SLC14A2: variants seen among roughly 807,000 people sequenced by gnomAD.
SLC14A2 encodes the protein solute carrier family 14 member 2, also known as urea transporter 2.
In SLC14A2, 91 loss-of-function variants were observed where a neutral mutation model predicts 104.6. That is an observed-to-expected ratio of 0.87 (90% confidence interval 0.73 to 1.04). The LOEUF is 1.04. Among genes scored for constraint, SLC14A2 ranks in the 50% least tolerant of loss-of-function variants. SLC14A2 has a pLI of 0.00. For missense variants in SLC14A2, 1,189 were observed against 1,156.0 expected, an observed-to-expected ratio of 1.03 and a Z score of -0.41; for synonymous variants, 476 against 466.4, an observed-to-expected ratio of 1.02 and a Z score of -0.27.
At chr18:45,580,500 A>AGAGGGAAGC (rs1485200880) in intron 2 of SLC14A2, among the ~76,000 whole-genome samples, 1 of 152,138 alleles carries the variant, frequency 6.6e-6, no homozygotes, top group Non-Finnish European at 1.5e-5. Flanking sequence ...GTCTTAGGAG[A>AGAGGGAAGC]GAGGGAAGCC....
At chr18:45,575,946 T>TG (rs1265258852) in intron 2 of SLC14A2, among the ~76,000 whole-genome samples, 3 of 152,156 alleles carry the variant, frequency 2.0e-5, no homozygotes, top group Non-Finnish European at 4.4e-5. Flanking sequence ...GTGCCCCGGC[T>TG]GGGGAGCAGA....
At chr18:45,393,544 C>T (rs1162076167) in intron 1 of SLC14A2, among the ~76,000 whole-genome samples, 1 of 152,166 alleles carries the variant, frequency 6.6e-6, no homozygotes, top group Non-Finnish European at 1.5e-5. Context: ...AAACCCAAAG[C>T]CTGGCACATG....
chr18:45,475,631 TATATATTTAGG>T (rs1244950811), intron 1 of SLC14A2, among the ~76,000 whole-genome samples: 146 of 53,914 alleles, frequency 2.7e-3, no homozygotes, highest in East Asian at 8.9e-3. Context: ...TATATATATA[TATATATTTAGG>T]ATATATATAT....
chr18:45,333,315 G>A (rs181850071), intron 1 of SLC14A2, among the ~76,000 whole-genome samples: 2 of 152,226 alleles, frequency 1.3e-5, no homozygotes, highest in East Asian at 3.9e-4. Context: ...GCTACAGTAT[G>A]CAATAAAGCC....
At chr18:45,521,690 C>T (rs1256997546) in intron 2 of SLC14A2, among the ~76,000 whole-genome samples, 1 of 152,054 alleles carries the variant, frequency 6.6e-6, no homozygotes, top group Admixed American at 6.5e-5. Context: ...CATTGTATTC[C>T]ATAAACCAGC....
chr18:45,490,476 A>G (rs1395741429), intron 2 of SLC14A2, among the ~76,000 whole-genome samples: 1 of 152,248 alleles, frequency 6.6e-6, no homozygotes, highest in East Asian at 1.9e-4. Context: ...CAGATGGATT[A>G]AAAGTTAAAG....
chr18:45,220,198 T>C (rs2084048452), intron 1 of SLC14A2, among the ~76,000 whole-genome samples: 1 of 152,200 alleles, frequency 6.6e-6, no homozygotes, highest in Non-Finnish European at 1.5e-5. Context: ...GATTTGGAAG[T>C]TGGAAAAATG....
intron 1 of SLC14A2, among the ~76,000 whole-genome samples, chr18:45,414,640 C>T (rs2086249371): frequency 1.3e-5 from 2 of 149,952 alleles, no homozygotes; most frequent in African/African-American, 4.9e-5. Context: ...TCCACTTTTT[C>T]AGAGGAAAGT....
chr18:45,489,748 T>G (rs2087684818), intron 2 of SLC14A2, among the ~76,000 whole-genome samples: 1 of 152,202 alleles, frequency 6.6e-6, no homozygotes, highest in South Asian at 2.1e-4. Context: ...ACTGGAAGTT[T>G]GACAGAAAGG....
intron 1 of SLC14A2, among the ~76,000 whole-genome samples, chr18:45,281,425 T>G (rs1020781079): frequency 1.4e-4 from 21 of 152,232 alleles, no homozygotes; most frequent in Non-Finnish European, 2.8e-4. Context: ...GTCTGCATGT[T>G]ACATGAACAA....
chr18:45,668,707 T>A (rs2046077028), intron 15 of SLC14A2, among the ~76,000 whole-genome samples: 1 of 152,222 alleles, frequency 6.6e-6, no homozygotes, highest in African/African-American at 2.4e-5. Context: ...AAGATCTAAA[T>A]GGTTTTTGGT....
At chr18:45,425,864 ATT>A (rs910062605) in intron 1 of SLC14A2, among the ~76,000 whole-genome samples, 2 of 150,708 alleles carry the variant, frequency 1.3e-5, no homozygotes. Context: ...GTCCTAGGGT[ATT>A]TTTTTTTAAA....
the SLC14A2 span, among the ~76,000 whole-genome samples, chr18:45,175,514 A>C: frequency 6.6e-6 from 1 of 152,090 alleles, no homozygotes; most frequent in Non-Finnish European, 1.5e-5. Context: ...GGTGGGGAAA[A>C]AGGAATGGGT....
At chr18:45,388,679 C>A (rs1361673791) in intron 1 of SLC14A2, among the ~76,000 whole-genome samples, 1 of 152,116 alleles carries the variant, frequency 6.6e-6, no homozygotes. Flanking sequence ...ATAGGAATTC[C>A]ACTCCATGTT....
At chr18:45,270,186 G>T (rs959237043) in intron 1 of SLC14A2, among the ~76,000 whole-genome samples, 5 of 152,134 alleles carry the variant, frequency 3.3e-5, no homozygotes, top group African/African-American at 1.2e-4. Context: ...GACCCTACTT[G>T]CCCTTAGCAA....
chr18:45,168,296 GAAAAC>G, the SLC14A2 span, among the ~76,000 whole-genome samples: 1 of 152,142 alleles, frequency 6.6e-6, no homozygotes, highest in Non-Finnish European at 1.5e-5. Flanking sequence ...CTGAGGGAAA[GAAAAC>G]AATATGATTT....
At chr18:45,652,161 G>A (rs1273768388) in intron 10 of SLC14A2, among the ~76,000 whole-genome samples, 1 of 152,238 alleles carries the variant, frequency 6.6e-6, no homozygotes, top group African/African-American at 2.4e-5. Context: ...AAACCAGGTG[G>A]GGGCTGGCAG....
rs114996392 is a variant in SLC14A2 at position 45,508,927 on chromosome 18, G to A, written c.-35+25605G>A. Among the ~76,000 whole-genome samples, 236 of 152,322 alleles carry A rather than the reference G, an allele frequency of 1.5e-3. 1 individual carries two copies. The highest frequency in any genetic ancestry group is 5.5e-3 in the African/African-American group (229 of 41,576). ...ATCAAGATATTGGGGGGTGACAGAT[G>A]ACCTTTGAGTTGATTTCATGGATAA... On this transcript the variant is annotated intron_variant, in intron 2 of 20. Transcript: ENST00000586448.
intron 1 of SLC14A2, among the ~76,000 whole-genome samples, chr18:45,251,909 A>C (rs993019005): frequency 6.6e-6 from 1 of 152,326 alleles, no homozygotes; most frequent in Non-Finnish European, 1.5e-5. Flanking sequence ...CCTCCAGTTA[A>C]TGATGATGAC....
Sources: allele counts gnomAD v4.1 joint callset (sites outside exome capture counted in the v4.1 genomes callset), GRCh38; gene constraint gnomAD v4.1.1; transcripts MANE v1.5; gene names NCBI Gene and HGNC (gene_info 2026-07-23, HGNC 2026-07-21).